The following FGF14 variants were observed in gnomAD, a reference collection of about 807,000 sequenced individuals.
FGF14 encodes fibroblast growth factor 14.
A neutral mutation model predicts 25.5 loss-of-function variants in FGF14; 5 were observed. The ratio of observed to expected loss-of-function variants is 0.20; its 90% CI spans 0.10 to 0.41. The LOEUF is 0.41. Ranked by LOEUF, FGF14 falls within the 10% of genes least tolerant of loss-of-function variation. The probability of loss-of-function intolerance (pLI) is 1.00; values close to 1 mark genes in which losing one functional copy is unlikely to be tolerated. For synonymous variants in FGF14, 138 were observed against 118.3 expected (o/e 1.17, Z -1.08); for missense variants, 222 against 320.1 (o/e 0.69, Z 2.34).
At chr13:102,308,510 A>AAAGGGGG (rs1328771855) in intron 1 of FGF14, among the ~76,000 whole-genome samples, 1 of 152,172 alleles carries the variant, frequency 6.6e-6, no homozygotes, top group African/African-American at 2.4e-5. Flanking sequence ...CAGGATGTAT[A>AAAGGGGG]AAGGGGGAAG....
At chr13:101,835,408 TGTTTTA>T (rs1429131852) in intron 3 of FGF14, among the ~76,000 whole-genome samples, 2 of 152,234 alleles carry the variant, frequency 1.3e-5, no homozygotes, top group Non-Finnish European at 2.9e-5. Context: ...ATCTTATTGT[TGTTTTA>T]GTTTTCATTT....
intron 1 of FGF14, among the ~76,000 whole-genome samples, chr13:102,342,565 A>G (rs2056984174): frequency 1.3e-5 from 2 of 152,334 alleles, no homozygotes; most frequent in South Asian, 4.1e-4. Flanking sequence ...ATTACTACAT[A>G]TAATACTGAA....
At chr13:101,816,269 C>CCAAAAAAAAA (rs2041844334) in intron 3 of FGF14, among the ~76,000 whole-genome samples, 1 of 89,050 alleles carries the variant, frequency 1.1e-5, no homozygotes, top group African/African-American at 5.0e-5. Context: ...GACTCCGTCT[C>CCAAAAAAAAA]AAAAAAAAAA....
intron 1 of FGF14, among the ~76,000 whole-genome samples, chr13:101,931,913 C>T (rs2034777349): frequency 6.6e-6 from 1 of 152,166 alleles, no homozygotes; most frequent in East Asian, 1.9e-4. Context: ...CAAAGAGCTG[C>T]CTATTGGAAT....
intron 1 of FGF14, among the ~76,000 whole-genome samples, chr13:101,882,890 G>T (rs1410418220): frequency 6.6e-6 from 1 of 152,016 alleles, no homozygotes; most frequent in Non-Finnish European, 1.5e-5. Flanking sequence ...CCAGACATTT[G>T]TCTTCTAGCT....
At chr13:101,971,584 C>T (rs2037597251) in intron 1 of FGF14, among the ~76,000 whole-genome samples, 1 of 152,162 alleles carries the variant, frequency 6.6e-6, no homozygotes, top group African/African-American at 2.4e-5. Flanking sequence ...GTCGTCTAGG[C>T]TGGTCTTGAA....
At chr13:101,908,616 C>A (rs1566416040) in intron 1 of FGF14, among the ~76,000 whole-genome samples, 1 of 152,164 alleles carries the variant, frequency 6.6e-6, no homozygotes, top group Non-Finnish European at 1.5e-5. Flanking sequence ...GAAGAACATT[C>A]CATGCTCATG....
At chr13:101,876,433 T>A (rs1451645666) in intron 1 of FGF14, among the ~76,000 whole-genome samples, 4 of 152,132 alleles carry the variant, frequency 2.6e-5, no homozygotes, top group Non-Finnish European at 5.9e-5. Flanking sequence ...TGCAAATAGG[T>A]GAAGACAAAA....
chr13:101,727,704 G>A (rs1008113569), intron 3 of FGF14, among the ~76,000 whole-genome samples: 3 of 151,866 alleles, frequency 2.0e-5, no homozygotes, highest in African/African-American at 4.8e-5. Flanking sequence ...ATTAATAAGG[G>A]TACAATCTAC....
At chr13:101,813,758 T>A (rs2041696276) in intron 3 of FGF14, among the ~76,000 whole-genome samples, 1 of 152,208 alleles carries the variant, frequency 6.6e-6, no homozygotes, top group African/African-American at 2.4e-5. Flanking sequence ...GCATCAGGTA[T>A]TTGAATTGCA....
In FGF14 at chr13:101,714,645, C is replaced by A. The variant is rs1392003469; in HGVS notation, c.*8186G>T. 7 of 780,328 alleles carry A rather than the reference C, an allele frequency of 9.0e-6. No homozygotes were observed. The highest frequency in any genetic ancestry group is 1.4e-5 in the Non-Finnish European group (6 of 438,116). The allele number at this position is 780,328 out of a possible 1,614,324, so 48.3% of individuals were successfully genotyped here. On this transcript the variant is annotated 3_prime_UTR_variant, in exon 5 of 5. Transcript: ENST00000376143. ...GCAATGCTTTAGGTGGCTGGACCAA[C>A]AGGGCCAACCGTGAATATGAAATAT...
At chr13:101,961,141 A>G (rs897413971) in intron 1 of FGF14, among the ~76,000 whole-genome samples, 2 of 152,030 alleles carry the variant, frequency 1.3e-5, no homozygotes, top group Non-Finnish European at 2.9e-5. Context: ...TAGGTTGTAT[A>G]TTCACTCTGA....
chr13:102,018,715 C>T (rs2040478873), intron 1 of FGF14, among the ~76,000 whole-genome samples: 2 of 152,114 alleles, frequency 1.3e-5, no homozygotes, highest in Admixed American at 1.3e-4. Context: ...GCCTCTTCAT[C>T]CAGCTCCTCT....
intron 3 of FGF14, among the ~76,000 whole-genome samples, chr13:101,845,033 G>A (rs1594455135): frequency 6.6e-6 from 1 of 151,952 alleles, no homozygotes; most frequent in Admixed American, 6.6e-5. Context: ...TCTCAGCCTG[G>A]AAGGACTTGT....
At chr13:102,398,764 A>G (rs1038026972) in intron 1 of FGF14, among the ~76,000 whole-genome samples, 1 of 151,712 alleles carries the variant, frequency 6.6e-6, no homozygotes, top group South Asian at 2.1e-4. Flanking sequence ...CACGAAGTAC[A>G]ATAGTGAAAG....
chr13:101,892,251 T>C (rs2029874549), intron 1 of FGF14, among the ~76,000 whole-genome samples: 1 of 152,164 alleles, frequency 6.6e-6, no homozygotes, highest in South Asian at 2.1e-4. Context: ...GTGCCTTATA[T>C]TACCTAAAAA....
chr13:102,054,937 C>T (rs1179781997), intron 1 of FGF14, among the ~76,000 whole-genome samples: 9 of 152,222 alleles, frequency 5.9e-5, no homozygotes, highest in Non-Finnish European at 1.3e-4. Flanking sequence ...GCCATGCCTT[C>T]ATTTCTGATT....
chr13:102,070,755 G>T (rs1452444140), intron 1 of FGF14, among the ~76,000 whole-genome samples: 1 of 152,126 alleles, frequency 6.6e-6, no homozygotes, highest in African/African-American at 2.4e-5. Context: ...GACAAATGTG[G>T]TATATTTGTG....
chr13:102,001,662 A>C (rs2039502136), intron 1 of FGF14, among the ~76,000 whole-genome samples: 1 of 152,228 alleles, frequency 6.6e-6, no homozygotes, highest in Non-Finnish European at 1.5e-5. Context: ...CAGGGACATA[A>C]GTCCTATGCC....
Sources: allele counts gnomAD v4.1 joint callset (sites outside exome capture counted in the v4.1 genomes callset), GRCh38; gene constraint gnomAD v4.1.1; transcripts MANE v1.5; gene names NCBI Gene and HGNC (gene_info 2026-07-23, HGNC 2026-07-21).